Variants in LMX1B observed in about 807,000 individuals in gnomAD.
LMX1B encodes the protein LIM homeobox transcription factor 1-beta.
LMX1B carries 12 observed loss-of-function variants against 51.4 expected under a neutral mutation model. That is an observed-to-expected ratio of 0.23 (90% confidence interval 0.15 to 0.38). LMX1B has a LOEUF of 0.38. LMX1B is among the 10% of genes least tolerant of loss of function. The pLI is 1.00. For synonymous variants in LMX1B, 237 were observed against 235.4 expected, an observed-to-expected ratio of 1.01 and a Z score of -0.06; for missense variants, 445 against 571.1, an observed-to-expected ratio of 0.78 and a Z score of 2.25.
chr9:126,631,945 A>AC (rs1321643253), intron 2 of LMX1B, among the ~76,000 whole-genome samples: 2 of 152,036 alleles, frequency 1.3e-5, no homozygotes, highest in East Asian at 3.9e-4. Context: ...AAAGGGGGCC[A>AC]CCTTTGACCA....
intron 2 of LMX1B, among the ~76,000 whole-genome samples, chr9:126,682,002 C>G (rs1428615402): frequency 2.0e-5 from 3 of 151,162 alleles, no homozygotes; most frequent in African/African-American, 4.9e-5. Context: ...CTTTGCCCCC[C>G]AGCTCTACCT....
chr9:126,622,963 C>G (rs1290439862), intron 2 of LMX1B, among the ~76,000 whole-genome samples: 1 of 152,238 alleles, frequency 6.6e-6, no homozygotes, highest in African/African-American at 2.4e-5. Flanking sequence ...CAGGGTTGCT[C>G]TGAGAATAAA....
At chr9:126,633,166 C>T (rs1293158422) in intron 2 of LMX1B, among the ~76,000 whole-genome samples, 2 of 152,218 alleles carry the variant, frequency 1.3e-5, no homozygotes, top group African/African-American at 4.8e-5. Context: ...GAGCCCCACC[C>T]CCGTCCTCCA....
At chr9:126,684,555 C>T (rs963436956) in intron 2 of LMX1B, among the ~76,000 whole-genome samples, 7 of 152,134 alleles carry the variant, frequency 4.6e-5, no homozygotes, top group East Asian at 1.9e-4. Context: ...GTGCATCACC[C>T]GAGGCTGTGC....
intron 2 of LMX1B, among the ~76,000 whole-genome samples, chr9:126,680,111 GC>G (rs1272990845): frequency 6.6e-6 from 1 of 152,226 alleles, no homozygotes; most frequent in African/African-American, 2.4e-5. Context: ...TGCGTTGTCA[GC>G]CCTCTGGACT....
At chr9:126,628,362 G>A (rs1039503865) in intron 2 of LMX1B, among the ~76,000 whole-genome samples, 2 of 152,214 alleles carry the variant, frequency 1.3e-5, no homozygotes, top group Non-Finnish European at 2.9e-5. Context: ...GAGGACATGT[G>A]GTTTGGGTCG....
At position 126,668,443 on chromosome 9, in the gene LMX1B, T is replaced by TTTA. The variant is rs61392859; in HGVS notation, c.327-22369_327-22367dup. On this transcript the variant is annotated intron_variant, in intron 2 of 7. Transcript: ENST00000373474. ...TAGCTTTACAAATACAGAAGCAGGA[T>TTTA]TTATTATTATTATTATTATTATTAT... is the stretch of plus-strand genomic sequence containing the variant. 7.9e-3 allele frequency among the ~76,000 whole-genome samples: 1,157 copies of TTTA among 146,954 alleles called. 11 individuals are homozygous for TTTA. The highest frequency in any genetic ancestry group is 0.033 in the East Asian group (165 of 5,016).
chr9:126,673,649 A>T lies in LMX1B; in HGVS notation c.327-17187A>T, dbSNP rs1187368767. Reference sequence around the variant, plus strand: ...CACTCCACCTCCACTCTGGGCAGAGAGGGGGCATCGGGGGCATGGCTAGGG... The same window carrying T: ...CACTCCACCTCCACTCTGGGCAGAGTGGGGGCATCGGGGGCATGGCTAGGG... On this transcript the variant is annotated intron_variant, in intron 2 of 7. Coordinates refer to ENST00000373474, the MANE Select transcript of LMX1B (RefSeq NM_001174147.2). The surrounding 1 kb of genome is among the most constrained non-coding windows in gnomAD (Gnocchi z 4.4). Among the ~76,000 whole-genome samples the T allele has an allele frequency of 1.3e-5, 2 of 151,994 alleles. No homozygotes were observed. The highest frequency in any genetic ancestry group is 4.8e-5 in the African/African-American group (2 of 41,344).
intron 2 of LMX1B, among the ~76,000 whole-genome samples, chr9:126,682,578 G>C (rs991586769): frequency 4.6e-5 from 7 of 152,094 alleles, no homozygotes; most frequent in Non-Finnish European, 1.0e-4. Flanking sequence ...AGACAGCGCC[G>C]GCCCGCACAT....
intron 2 of LMX1B, among the ~76,000 whole-genome samples, chr9:126,623,780 G>GT (rs1343747381): frequency 6.6e-6 from 1 of 152,228 alleles, no homozygotes; most frequent in Non-Finnish European, 1.5e-5. Context: ...GCCCCCTGTA[G>GT]GGCCAGCCCT....
At chr9:126,639,133 T>G (rs1835765444) in intron 2 of LMX1B, among the ~76,000 whole-genome samples, 1 of 144,944 alleles carries the variant, frequency 6.9e-6, no homozygotes, top group East Asian at 2.1e-4. Context: ...AGGAAGGGAA[T>G]AATTGGACAA....
intron 2 of LMX1B, among the ~76,000 whole-genome samples, chr9:126,623,017 A>G (rs1404727645): frequency 2.6e-5 from 4 of 152,190 alleles, no homozygotes; most frequent in African/African-American, 9.7e-5. Context: ...CATGCAGTCA[A>G]TGTATGTTTT....
chr9:126,652,302 G>GGC (rs991315999), intron 2 of LMX1B, among the ~76,000 whole-genome samples: 2 of 149,970 alleles, frequency 1.3e-5, no homozygotes, highest in Admixed American at 6.6e-5. Context: ...GAGAAGGGGG[G>GGC]GGGGATTTTC....
chr9:126,664,021 A>C (rs1269812723), intron 2 of LMX1B, among the ~76,000 whole-genome samples: 1 of 152,140 alleles, frequency 6.6e-6, no homozygotes, highest in Non-Finnish European at 1.5e-5. Flanking sequence ...CTGCCCTCCC[A>C]CGCCAGCTGC....
chr9:126,666,166 G>A (rs989661867), intron 2 of LMX1B, among the ~76,000 whole-genome samples: 4 of 152,258 alleles, frequency 2.6e-5, no homozygotes, highest in Non-Finnish European at 5.9e-5. Context: ...GGGTCTGAAC[G>A]CAGCTCTGGT....
rs1211366598 is a variant in LMX1B, at chr9:126,626,999, CTGAGCAT to C, written c.326+11434_326+11440del. 6.6e-6 allele frequency among the ~76,000 whole-genome samples: 1 copy of C among 152,248 alleles called. No homozygotes were observed. Among genetic ancestry groups the C allele is most frequent in the Non-Finnish European group, 1.5e-5 (1 of 68,050 alleles). On this transcript the variant is annotated intron_variant, in intron 2 of 7. Coordinates refer to ENST00000373474, the MANE Select transcript of LMX1B (RefSeq NM_001174147.2). This position sits in a 1 kb window ranked among gnomAD's most constrained non-coding sequence, Gnocchi z 4.3. Reference sequence around the variant, plus strand: ...CCTTGGTCTTGGGGGAGGCCCCCGCCTGAGCATTGATAAGGGTCTGGACGCAACAGCC... The same window carrying C: ...CCTTGGTCTTGGGGGAGGCCCCCGCCTGATAAGGGTCTGGACGCAACAGCC...
chr9:126,691,056 G>A lies in LMX1B; in HGVS notation c.547G>A (p.Glu183Lys), dbSNP rs770092941. 1.2e-6 allele frequency: 2 copies of A among 1,610,832 alleles called. No individual in the cohort carries two copies. The highest frequency in any genetic ancestry group is 1.7e-6 in the Non-Finnish European group (2 of 1,178,420). Residue 183 changes from glutamate to lysine, a missense_variant, in exon 3 of 8, where the codon GAG (glutamate) becomes AAG (lysine). This residue lies in a region of LMX1B where 273 missense variants were observed against 343.3 expected (regional missense o/e 0.80). Coordinates refer to ENST00000373474, the MANE Select transcript of LMX1B (RefSeq NM_001174147.2). ...KDLLSSVSPD[E>K]SDSVKSEDED... Reference sequence around the variant, plus strand: ...CCTGCTCAGCTCCGTGAGCCCCGACGAGTCCGACTCCGGTGAGGCCTGGCC... The same window carrying A: ...CCTGCTCAGCTCCGTGAGCCCCGACAAGTCCGACTCCGGTGAGGCCTGGCC...
At chr9:126,639,993 G>C (rs956907112) in intron 2 of LMX1B, among the ~76,000 whole-genome samples, 2 of 152,240 alleles carry the variant, frequency 1.3e-5, no homozygotes, top group Non-Finnish European at 2.9e-5. Flanking sequence ...GCGCTCAAAT[G>C]CTATGGGAAA....
rs996745109 is a variant in LMX1B at position 126,673,381 on chromosome 9, G to A, written c.327-17455G>A. ...CACACCAGGCCCCACAAACAACTCCGCACCAGGGAGCTGGGCAGATCTGAG... is the reference window on the plus strand; with the variant it reads ...CACACCAGGCCCCACAAACAACTCCACACCAGGGAGCTGGGCAGATCTGAG... On this transcript the variant is annotated intron_variant, in intron 2 of 7. Transcript: ENST00000373474. This position sits in a 1 kb window ranked among gnomAD's most constrained non-coding sequence, Gnocchi z 4.4. Among the ~76,000 whole-genome samples the A allele has an allele frequency of 1.6e-4, 25 of 152,094 alleles. No individual in the cohort carries two copies. The highest frequency in any genetic ancestry group is 8.5e-4 in the Admixed American group (13 of 15,280).
Sources: allele counts gnomAD v4.1 joint callset (sites outside exome capture counted in the v4.1 genomes callset), GRCh38; gene constraint gnomAD v4.1.1; regional missense constraint gnomAD v4.1.1; non-coding constraint Gnocchi (gnomAD v3.1); transcripts MANE v1.5; gene names NCBI Gene and HGNC (gene_info 2026-07-23, HGNC 2026-07-21).